RALYL: variants seen among roughly 807,000 people sequenced by gnomAD.
RALYL encodes the protein RALY RNA binding protein like, also known as RNA-binding Raly-like protein.
In RALYL, 29 loss-of-function variants were observed where a neutral mutation model predicts 35.1. That is an observed-to-expected ratio of 0.83 (90% CI 0.61 to 1.13). The LOEUF is 1.13. RALYL is among the 50% of genes most tolerant of loss of function. RALYL has a pLI of 0.00. For missense variants in RALYL, 359 were observed against 360.4 expected (o/e 1.00, Z 0.03); for synonymous variants, 120 against 127.6 (o/e 0.94, Z 0.40).
At chr8:84,200,419 G>C (rs996100604) in intron 1 of RALYL, among the ~76,000 whole-genome samples, 1 of 151,984 alleles carries the variant, frequency 6.6e-6, no homozygotes, top group African/African-American at 2.4e-5. Context: ...TAAGATAGAA[G>C]TTACTACTTA....
In RALYL at chr8:84,529,284, G is replaced by A; in HGVS notation, c.-23-15G>A. On this transcript the variant is annotated splice_polypyrimidine_tract_variant and intron_variant, in intron 1 of 8. Transcript: ENST00000521268. ...TTTTGATTATTTGTTTTGTTTGTTT[G>A]TTTGTTTGTTTAAGGATTAAAGCAA... 6.5e-7 allele frequency: 1 copy of A among 1,548,536 alleles called. No homozygotes were observed. Among genetic ancestry groups the A allele is most frequent in the Non-Finnish European group, 8.7e-7 (1 of 1,144,166 alleles).
chr8:84,831,195 A>G (rs1158412885), intron 4 of RALYL, among the ~76,000 whole-genome samples: 1 of 152,172 alleles, frequency 6.6e-6, no homozygotes, highest in Non-Finnish European at 1.5e-5. Context: ...ATTTTTCTAA[A>G]TGAGGCATTT....
At chr8:84,662,316 T>C (rs1360993015) in intron 2 of RALYL, among the ~76,000 whole-genome samples, 2 of 152,168 alleles carry the variant, frequency 1.3e-5, no homozygotes, top group South Asian at 2.1e-4. Context: ...CACACTAATA[T>C]ATGCTTTAGG....
rs186537464 is a variant in RALYL, at chr8:84,235,835, C to T, written c.-24+51411C>T. On this transcript the variant is annotated intron_variant, in intron 1 of 8. Coordinates refer to ENST00000521268, the MANE Select transcript of RALYL (RefSeq NM_173848.7). Reference sequence around the variant, plus strand: ...AGGCTGGAGTGCAGTGGTGCGATCTCGGCTCACTGCAGTCTCCAACTCCCT... The same window carrying T: ...AGGCTGGAGTGCAGTGGTGCGATCTTGGCTCACTGCAGTCTCCAACTCCCT... Among the ~76,000 whole-genome samples the T allele has an allele frequency of 4.2e-4, 60 of 143,048 alleles. 1 individual carries two copies. The East Asian group carries it at 0.012, about 29-fold the overall frequency. 93.8% of individuals were successfully genotyped at this position (143,048 alleles called of 152,430 possible).
At chr8:84,469,864 G>T (rs184407563) in intron 1 of RALYL, among the ~76,000 whole-genome samples, 1 of 152,118 alleles carries the variant, frequency 6.6e-6, no homozygotes, top group African/African-American at 2.4e-5. Context: ...TAAGCCCGTC[G>T]GAAAAGCGCA....
intron 4 of RALYL, among the ~76,000 whole-genome samples, chr8:84,845,375 A>T (rs555696014): frequency 9.9e-5 from 15 of 152,088 alleles, no homozygotes; most frequent in Non-Finnish European, 2.1e-4. Context: ...AACAAAAGCC[A>T]TTCTGAGGGG....
intron 1 of RALYL, among the ~76,000 whole-genome samples, chr8:84,494,212 G>A (rs184696779): frequency 1.7e-3 from 252 of 152,198 alleles, no homozygotes; most frequent in African/African-American, 6.0e-3. Flanking sequence ...TCAGATGGTT[G>A]TACATCTGTG....
intron 8 of RALYL, among the ~76,000 whole-genome samples, chr8:84,905,013 T>C (rs539822194): frequency 7.9e-5 from 12 of 152,312 alleles, no homozygotes; most frequent in Non-Finnish European, 1.0e-4. Flanking sequence ...TATTGTTGAC[T>C]ATGCAATGTT....
chr8:84,239,347 A>G (rs183850447), intron 1 of RALYL, among the ~76,000 whole-genome samples: 5 of 152,350 alleles, frequency 3.3e-5, no homozygotes, highest in East Asian at 3.9e-4. Flanking sequence ...TTCTAATTCT[A>G]TCAGAACCAG....
chr8:84,908,363 C>T (rs1185695974), intron 8 of RALYL, among the ~76,000 whole-genome samples: 1 of 152,076 alleles, frequency 6.6e-6, no homozygotes, highest in Non-Finnish European at 1.5e-5. Context: ...TCCACATTTC[C>T]CTCACCTCCC....
chr8:84,709,647 A>T (rs1841831802), intron 2 of RALYL, among the ~76,000 whole-genome samples: 1 of 151,992 alleles, frequency 6.6e-6, no homozygotes, highest in Non-Finnish European at 1.5e-5. Context: ...GAAGGTTGAG[A>T]ATCACTGAAC....
At chr8:84,823,972 C>CT (rs1371563613) in intron 4 of RALYL, among the ~76,000 whole-genome samples, 2 of 152,098 alleles carry the variant, frequency 1.3e-5, no homozygotes, top group African/African-American at 4.8e-5. Flanking sequence ...TATGCCCACT[C>CT]TGACACTCCC....
intron 8 of RALYL, among the ~76,000 whole-genome samples, chr8:84,899,137 A>G (rs1326725309): frequency 6.6e-6 from 1 of 151,936 alleles, no homozygotes; most frequent in Non-Finnish European, 1.5e-5. Context: ...AACCCATTCT[A>G]CCTTTTATTT....
chr8:84,386,497 C>A (rs1411330339), intron 1 of RALYL, among the ~76,000 whole-genome samples: 1 of 151,692 alleles, frequency 6.6e-6, no homozygotes. Flanking sequence ...GACCCATGAC[C>A]ACTTTGTAAC....
At chr8:84,406,366 T>TG (rs2043500238) in intron 1 of RALYL, among the ~76,000 whole-genome samples, 1 of 152,082 alleles carries the variant, frequency 6.6e-6, no homozygotes, top group Non-Finnish European at 1.5e-5. Flanking sequence ...TATTGCCTCT[T>TG]GTGACCTTGG....
intron 1 of RALYL, among the ~76,000 whole-genome samples, chr8:84,442,517 C>A (rs1307793524): frequency 6.6e-6 from 1 of 152,032 alleles, no homozygotes; most frequent in Non-Finnish European, 1.5e-5. Context: ...CCAAATAAGA[C>A]CTAGTTCCTA....
intron 1 of RALYL, among the ~76,000 whole-genome samples, chr8:84,235,891 C>T (rs191898249): frequency 1.9e-4 from 29 of 151,492 alleles, no homozygotes; most frequent in African/African-American, 4.4e-4. Flanking sequence ...CTCAGCCTCC[C>T]GAGTAGCTGG....
intron 2 of RALYL, among the ~76,000 whole-genome samples, chr8:84,763,381 A>G (rs185041612): frequency 3.7e-3 from 568 of 152,310 alleles, no homozygotes; most frequent in African/African-American, 0.013. Flanking sequence ...GTCCTCAAGT[A>G]TGAAACTAAA....
chr8:84,699,825 T>A (rs1287272783), intron 2 of RALYL, among the ~76,000 whole-genome samples: 4 of 152,180 alleles, frequency 2.6e-5, no homozygotes, highest in African/African-American at 9.6e-5. Context: ...TGTACCTTTT[T>A]AGGTTCAGGA....
Sources: allele counts gnomAD v4.1 joint callset (sites outside exome capture counted in the v4.1 genomes callset), GRCh38; gene constraint gnomAD v4.1.1; transcripts MANE v1.5; gene names NCBI Gene and HGNC (gene_info 2026-07-23, HGNC 2026-07-21).